The following ARHGEF3 variants were observed in gnomAD, a reference collection of about 807,000 sequenced individuals.
ARHGEF3 encodes 59.8 kDA protein.
In ARHGEF3, 28 loss-of-function variants were observed where a neutral mutation model predicts 63.2. That is an observed-to-expected ratio of 0.44 (90% CI 0.33 to 0.61). The LOEUF is 0.61. Among genes scored for constraint, ARHGEF3 ranks in the 20% least tolerant of loss-of-function variants. The probability of loss-of-function intolerance (pLI) is 0.03; values close to 1 mark genes in which losing one functional copy is unlikely to be tolerated. For synonymous variants in ARHGEF3, 266 were observed against 254.2 expected (o/e 1.05, Z -0.44); for missense variants, 533 against 659.3 (o/e 0.81, Z 2.10).
intron 3 of ARHGEF3, among the ~76,000 whole-genome samples, chr3:56,958,484 G>A (rs112365174): frequency 7.5e-4 from 110 of 146,158 alleles, no homozygotes; most frequent in African/African-American, 2.6e-3. Flanking sequence ...ACATGCCACC[G>A]TGCCCAGCTA....
intron 4 of ARHGEF3, among the ~76,000 whole-genome samples, chr3:56,827,068 C>G (rs372418174): frequency 2.6e-5 from 4 of 152,172 alleles, no homozygotes; most frequent in African/African-American, 9.6e-5. Context: ...AACTATGACT[C>G]AAAGTCCGGA....
intron 4 of ARHGEF3, among the ~76,000 whole-genome samples, chr3:56,874,348 C>T (rs1422890308): frequency 6.6e-6 from 1 of 152,168 alleles, no homozygotes; most frequent in East Asian, 1.9e-4. Context: ...ATTAACCTCT[C>T]CCACATAATT....
intron 2 of ARHGEF3, among the ~76,000 whole-genome samples, chr3:56,971,123 T>G (rs1349514426): frequency 2.0e-5 from 3 of 152,116 alleles, no homozygotes; most frequent in African/African-American, 7.2e-5. Flanking sequence ...TAATAAATAA[T>G]GAGAATGAAT....
chr3:56,893,811 CAAAAAAAAAAAAAAAAAAAAAAAAAAA>C (rs537483698), intron 3 of ARHGEF3, among the ~76,000 whole-genome samples: 3 of 79,542 alleles, frequency 3.8e-5, no homozygotes, highest in African/African-American at 7.6e-5. Flanking sequence ...GACTCTGTCT[CAAAAAAAAAAAAAAAAAAAAAAAAAAA>C]AAAAAAAAAA....
chr3:56,860,717 A>C (rs2040044402), intron 4 of ARHGEF3, among the ~76,000 whole-genome samples: 1 of 152,142 alleles, frequency 6.6e-6, no homozygotes, highest in Non-Finnish European at 1.5e-5. Context: ...TTTCCAATCC[A>C]AGTTTAGAGA....
intron 2 of ARHGEF3, among the ~76,000 whole-genome samples, chr3:56,767,452 C>T (rs1407893491): frequency 3.3e-5 from 5 of 151,588 alleles, no homozygotes; most frequent in East Asian, 2.0e-4. Context: ...GGCGTGGTGG[C>T]GGGCGCCTAT....
chr3:56,801,749 C>A lies in ARHGEF3; in HGVS notation c.50G>T (p.Cys17Phe). Residue 17 changes from cysteine to phenylalanine, a missense_variant, in exon 1 of 10, where the codon TGC becomes TTC. Coordinates refer to ENST00000296315, the MANE Select transcript of ARHGEF3 (RefSeq NM_019555.3). ...GCTGGCCGGGGGTAGCTCCAGGCTG[C>A]AGTTCGCTCTCTTGACCGTGAGGTA... ...PFYLTVKRAN[C>F]SLELPPASGP... 6.4e-7 allele frequency: 1 copy of A among 1,569,876 alleles called. No individual in the cohort carries two copies.
chr3:56,836,078 T>G (rs1559980024), intron 4 of ARHGEF3, among the ~76,000 whole-genome samples: 1 of 152,236 alleles, frequency 6.6e-6, no homozygotes, highest in African/African-American at 2.4e-5. Context: ...CGTTCACATC[T>G]GATTAATGCA....
rs933765352 is a variant in ARHGEF3, at chr3:56,987,675, G to T, written c.63-28786C>A. On this transcript the variant is annotated intron_variant, in intron 2 of 12. Transcript: ENST00000338458. ...ACATAAACCTGGTAGAAGCAGAGTT[G>T]ATCTAGAAGGAAGGAAAGGAAGGAG... Among the ~76,000 whole-genome samples the T allele has an allele frequency of 4.6e-5, 7 of 152,190 alleles. No homozygotes were observed. In the East Asian group the frequency reaches 1.4e-3, roughly 29 times the overall value.
At chr3:57,059,347 C>T (rs1705095461) in intron 1 of ARHGEF3, among the ~76,000 whole-genome samples, 1 of 151,750 alleles carries the variant, frequency 6.6e-6, no homozygotes, top group Non-Finnish European at 1.5e-5. Flanking sequence ...TTGGGCCACA[C>T]ATAAAATACA....
chr3:56,884,278 A>T (rs941093120), intron 3 of ARHGEF3, among the ~76,000 whole-genome samples: 5 of 144,512 alleles, frequency 3.5e-5, no homozygotes, highest in Non-Finnish European at 5.9e-5. Context: ...TGCTCAAAAC[A>T]TGGGTTGGAG....
intron 4 of ARHGEF3, among the ~76,000 whole-genome samples, chr3:56,854,465 A>T (rs1366233855): frequency 6.6e-6 from 1 of 152,152 alleles, no homozygotes; most frequent in Non-Finnish European, 1.5e-5. Flanking sequence ...AAAGTGGTGA[A>T]GCGGGAACCC....
At chr3:56,858,595 A>C (rs1299353942) in intron 4 of ARHGEF3, among the ~76,000 whole-genome samples, 2 of 152,224 alleles carry the variant, frequency 1.3e-5, no homozygotes, top group African/African-American at 4.8e-5. Flanking sequence ...GATAGTAACA[A>C]CAGCACAGAA....
At chr3:56,774,921 A>G in intron 1 of ARHGEF3, 1 of 1,198,046 alleles carries the variant, frequency 8.3e-7, no homozygotes, top group Non-Finnish European at 1.1e-6. Context: ...AAACAACAAC[A>G]ACAACAAAAA....
intron 1 of ARHGEF3, among the ~76,000 whole-genome samples, chr3:57,069,842 G>A (rs1380901170): frequency 6.6e-6 from 1 of 152,122 alleles, no homozygotes; most frequent in South Asian, 2.1e-4. Flanking sequence ...ATAGAGTCTC[G>A]CTTTGCTGCC....
At chr3:56,732,515 A>G in intron 8 of ARHGEF3, 91 bp from the exon 9 acceptor site, 2 of 1,428,320 alleles carry the variant, frequency 1.4e-6, no homozygotes, top group African/African-American at 2.8e-5. Context: ...GTCCCCAGGT[A>G]CCAGGTTCAC....
At chr3:56,977,312 A>AATG in intron 2 of ARHGEF3, 1 of 456,746 alleles carries the variant, frequency 2.2e-6, no homozygotes, top group Non-Finnish European at 4.4e-6. Flanking sequence ...TCTAAAGCAC[A>AATG]GGGCAGAGCA....
At chr3:56,970,053 T>C (rs990402682) in intron 2 of ARHGEF3, among the ~76,000 whole-genome samples, 5 of 151,942 alleles carry the variant, frequency 3.3e-5, no homozygotes, top group African/African-American at 1.2e-4. Context: ...GAATGAGGAG[T>C]GACTGCTTAA....
At chr3:57,036,428 A>G (rs1452213739) in intron 1 of ARHGEF3, among the ~76,000 whole-genome samples, 1 of 152,134 alleles carries the variant, frequency 6.6e-6, no homozygotes, top group Non-Finnish European at 1.5e-5. Flanking sequence ...GACAGTGTGC[A>G]CAGGAGAAGA....
Sources: gnomAD v4.1 joint callset for allele counts (sites outside exome capture counted in the v4.1 genomes callset) on GRCh38, gnomAD v4.1.1 for gene constraint, MANE v1.5 for transcripts, NCBI Gene and HGNC (gene_info 2026-07-23, HGNC 2026-07-21) for gene names.